The following CHRM3 variants were observed in gnomAD, a reference collection of about 807,000 sequenced individuals.
The protein encoded by CHRM3 is cholinergic receptor muscarinic 3, also known as muscarinic acetylcholine receptor M3.
A neutral mutation model predicts 41.8 loss-of-function variants in CHRM3; 11 were observed. That is an observed-to-expected ratio of 0.26 (90% CI 0.17 to 0.44). CHRM3 has a LOEUF of 0.44. CHRM3 is among the 20% of genes least tolerant of loss of function. The pLI is 1.00. For synonymous variants in CHRM3, 297 were observed against 301.4 expected (o/e 0.99, Z 0.15); for missense variants, 571 against 745.4 (o/e 0.77, Z 2.72).
intron 3 of CHRM3, among the ~76,000 whole-genome samples, chr1:239,577,488 A>G (rs1662482209): frequency 6.6e-6 from 1 of 152,214 alleles, no homozygotes; most frequent in Non-Finnish European, 1.5e-5. Context: ...CGGGATTGAT[A>G]CACAGTCTTC....
Position 239,858,638 on chromosome 1 carries a change from A to G in CHRM3, c.-20+31260A>G, listed in dbSNP as rs1441300459. Among the ~76,000 whole-genome samples, 7 of 152,198 alleles carry G rather than the reference A, an allele frequency of 4.6e-5. No individual in the cohort carries two copies. In the East Asian group the frequency reaches 1.4e-3, roughly 29 times the overall value. On this transcript the variant is annotated intron_variant, in intron 6 of 6. Transcript: ENST00000676153. ...GTAAAATTAGTCACGAATCATTTTA[A>G]AGTGTACACAATTCAGTGGCATTTA...
chr1:239,743,339 T>C (rs1665025310), intron 5 of CHRM3, among the ~76,000 whole-genome samples: 1 of 152,198 alleles, frequency 6.6e-6, no homozygotes. Context: ...ACAAGGGACA[T>C]GTCTTATTTG....
At chr1:239,788,745 G>T (rs150457471) in intron 5 of CHRM3, among the ~76,000 whole-genome samples, 183 of 152,200 alleles carry the variant, frequency 1.2e-3, no homozygotes, top group African/African-American at 4.0e-3. Flanking sequence ...CAGCCTGGGC[G>T]ACAGAGTGAG....
intron 2 of CHRM3, among the ~76,000 whole-genome samples, chr1:239,530,907 A>G (rs1572617755): frequency 6.6e-6 from 1 of 152,210 alleles, no homozygotes; most frequent in African/African-American, 2.4e-5. Flanking sequence ...CAGAAAACAA[A>G]TATTTGCAGA....
At chr1:239,672,103 T>C (rs1899613) in intron 4 of CHRM3, among the ~76,000 whole-genome samples, 100,179 of 151,952 alleles carry the variant, frequency 0.66, 33,450 homozygotes, top group East Asian at 0.84. Context: ...TAGCCCTCTA[T>C]TGATGTTTTA....
chr1:239,508,545 T>A (rs188677927), intron 2 of CHRM3, among the ~76,000 whole-genome samples: 60 of 152,352 alleles, frequency 3.9e-4, no homozygotes, highest in Admixed American at 2.1e-3. Context: ...CTTTGGTCTT[T>A]AATCTCTTCC....
At chr1:239,898,779 A>T (rs1169512290) in intron 6 of CHRM3, among the ~76,000 whole-genome samples, 1 of 152,278 alleles carries the variant, frequency 6.6e-6, no homozygotes, top group East Asian at 1.9e-4. Flanking sequence ...TCACATGTAT[A>T]TTGGCCTTGT....
chr1:239,869,396 C>T (rs570761149), intron 6 of CHRM3, among the ~76,000 whole-genome samples: 1 of 152,284 alleles, frequency 6.6e-6, no homozygotes, highest in Non-Finnish European at 1.5e-5. Context: ...TGAAAAGAAC[C>T]CATAGTCAAA....
chr1:239,804,912 C>T (rs1670512559), intron 5 of CHRM3, among the ~76,000 whole-genome samples: 1 of 152,170 alleles, frequency 6.6e-6, no homozygotes, highest in African/African-American at 2.4e-5. Flanking sequence ...TTTATCACTT[C>T]CTGGTATTAC....
At chr1:239,469,105 G>A (rs1665930818) in intron 1 of CHRM3, among the ~76,000 whole-genome samples, 1 of 152,098 alleles carries the variant, frequency 6.6e-6, no homozygotes, top group South Asian at 2.1e-4. Flanking sequence ...TATAATTCAT[G>A]TCTATCCAAC....
intron 1 of CHRM3, among the ~76,000 whole-genome samples, chr1:239,418,741 T>A (rs554233171): frequency 5.9e-5 from 9 of 152,292 alleles, no homozygotes; most frequent in Non-Finnish European, 1.3e-4. Context: ...TGGAAAAAAT[T>A]TCTGTTGCTA....
At chr1:239,671,994 T>A (rs573073807) in intron 4 of CHRM3, among the ~76,000 whole-genome samples, 1 of 152,300 alleles carries the variant, frequency 6.6e-6, no homozygotes, top group African/African-American at 2.4e-5. Flanking sequence ...GCAGTCTGAA[T>A]CATGCCTCCC....
At chr1:239,583,432 G>A (rs10127769) in intron 3 of CHRM3, among the ~76,000 whole-genome samples, 118,766 of 152,172 alleles carry the variant, frequency 0.78, 50,645 homozygotes, top group Non-Finnish European at 0.93. Context: ...CAATGTGCTA[G>A]ACGTGAGAGC....
intron 5 of CHRM3, among the ~76,000 whole-genome samples, chr1:239,680,978 G>A (rs549766032): frequency 6.6e-6 from 1 of 152,200 alleles, no homozygotes; most frequent in African/African-American, 2.4e-5. Context: ...AAATCATGGC[G>A]GGAGGTGAAA....
At chr1:239,855,362 ACTC>A (rs1450898336) in intron 6 of CHRM3, among the ~76,000 whole-genome samples, 3 of 152,146 alleles carry the variant, frequency 2.0e-5, no homozygotes, top group Admixed American at 6.5e-5. Flanking sequence ...AATTTACCTA[ACTC>A]AGTGTTGACA....
intron 5 of CHRM3, among the ~76,000 whole-genome samples, chr1:239,779,387 A>C (rs2148788976): frequency 6.6e-6 from 1 of 152,362 alleles, no homozygotes; most frequent in African/African-American, 2.4e-5. Flanking sequence ...GGTTCAGACA[A>C]GTATATTCAC....
chr1:239,850,437 G>A (rs770531644), intron 6 of CHRM3, among the ~76,000 whole-genome samples: 134 of 152,226 alleles, frequency 8.8e-4, no homozygotes, highest in Admixed American at 2.0e-3. Flanking sequence ...GGCACACTCG[G>A]TGTAATTTTC....
chr1:239,509,474 A>G (rs1259241609), intron 2 of CHRM3, among the ~76,000 whole-genome samples: 1 of 152,182 alleles, frequency 6.6e-6, no homozygotes, highest in East Asian at 1.9e-4. Context: ...ATACTTGCAA[A>G]TGTTTCCCTC....
At chr1:239,879,060 A>G (rs756886885) in intron 6 of CHRM3, among the ~76,000 whole-genome samples, 15 of 152,188 alleles carry the variant, frequency 9.9e-5, no homozygotes, top group Non-Finnish European at 2.1e-4. Context: ...GAACTGGTCT[A>G]AGCACTGATT....
Sources: allele counts gnomAD v4.1 joint callset (sites outside exome capture counted in the v4.1 genomes callset), GRCh38; gene constraint gnomAD v4.1.1; transcripts MANE v1.5; gene names NCBI Gene and HGNC (gene_info 2026-07-23, HGNC 2026-07-21).